Variants in ADGRG6 observed in about 807,000 individuals in gnomAD.
The protein encoded by ADGRG6 is G-protein coupled receptor 126.
ADGRG6 carries 84 observed loss-of-function variants against 142.4 expected under a neutral mutation model. The ratio of observed to expected loss-of-function variants is 0.59; its 90% CI spans 0.49 to 0.71. The LOEUF (loss-of-function observed/expected upper bound fraction) is 0.71. Ranked by LOEUF, ADGRG6 falls within the 30% of genes least tolerant of loss-of-function variation. ADGRG6 has a pLI of 0.00. For synonymous variants in ADGRG6, 521 were observed against 520.5 expected (o/e 1.00, Z -0.01); for missense variants, 1,367 against 1,466.6 (o/e 0.93, Z 1.11).
At chr6:142,399,040 A>G (rs1775361542) in intron 10 of ADGRG6, among the ~76,000 whole-genome samples, 2 of 152,192 alleles carry the variant, frequency 1.3e-5, no homozygotes, top group African/African-American at 4.8e-5. Context: ...AGGAAATCAA[A>G]TGTTCACAAA....
At chr6:142,423,633 G>A (rs1485675501) in intron 22 of ADGRG6, among the ~76,000 whole-genome samples, 1 of 139,436 alleles carries the variant, frequency 7.2e-6, no homozygotes, top group Non-Finnish European at 1.6e-5. Flanking sequence ...TTTTGGCTTA[G>A]GATTGACTTG....
chr6:142,349,753 T>C (rs1002455653), intron 2 of ADGRG6, among the ~76,000 whole-genome samples: 12 of 152,200 alleles, frequency 7.9e-5, no homozygotes, highest in Admixed American at 1.3e-4. Flanking sequence ...TCTTCCCTTT[T>C]CTAGGAATAA....
chr6:142,440,811 C>T, intron 24 of ADGRG6: 2 of 653,398 alleles, frequency 3.1e-6, no homozygotes, highest in Non-Finnish European at 5.4e-6. Flanking sequence ...ATCCTGGGAT[C>T]ACTCAAGGTA....
chr6:142,307,420 G>T (rs1361322974), intron 1 of ADGRG6, among the ~76,000 whole-genome samples: 1 of 151,972 alleles, frequency 6.6e-6, no homozygotes, highest in Non-Finnish European at 1.5e-5. Context: ...ATATGTAATT[G>T]TGCTTTTGTT....
At chr6:142,344,250 A>G (rs1042804702) in intron 2 of ADGRG6, among the ~76,000 whole-genome samples, 29 of 152,012 alleles carry the variant, frequency 1.9e-4, no homozygotes, top group African/African-American at 3.9e-4. Context: ...AAACAAATAC[A>G]TACTTGAGAA....
intron 9 of ADGRG6, among the ~76,000 whole-genome samples, chr6:142,395,082 T>C (rs1284084012): frequency 6.6e-6 from 1 of 152,158 alleles, no homozygotes; most frequent in Non-Finnish European, 1.5e-5. Context: ...GCTTTTTTTT[T>C]CTTTTCAACA....
intron 2 of ADGRG6, among the ~76,000 whole-genome samples, chr6:142,345,369 A>G (rs114996244): frequency 0.011 from 1,743 of 152,214 alleles, 39 homozygotes; most frequent in African/African-American, 0.04. Flanking sequence ...GCTGATCACT[A>G]TAAACATTGT....
chr6:142,383,817 C>A lies in ADGRG6; in HGVS notation c.1196C>A (p.Thr399Asn). 6.4e-7 allele frequency: 1 copy of A among 1,561,542 alleles called. No individual in the cohort carries two copies. The highest frequency in any genetic ancestry group is 8.8e-7 in the Non-Finnish European group (1 of 1,132,838). ...ACTGTCACCACTAACATGCCTGTTACTAACAGAATCGATAAACAAAGGAAT... is the reference window on the plus strand; with the variant it reads ...ACTGTCACCACTAACATGCCTGTTAATAACAGAATCGATAAACAAAGGAAT... ...PPTVTTNMPV[T>N]NRIDKQRNDG... The change falls in exon 6 of 25, where the codon ACT becomes AAT. Residue 399 changes from threonine to asparagine, a missense_variant. Thr to Asn is a moderately conservative substitution (Grantham distance 65). This residue lies in a region of ADGRG6 where 737 missense variants were observed against 746.5 expected (regional missense o/e 0.99). Coordinates refer to ENST00000367609, the MANE Select transcript of ADGRG6 (RefSeq NM_198569.3).
rs148987994 is a variant in ADGRG6 at position 142,323,762 on chromosome 6, G to C, written c.103+14118G>C. Among the ~76,000 whole-genome samples the C allele has an allele frequency of 3.4e-3, 511 of 152,084 alleles. 3 individuals carry two copies. Among genetic ancestry groups the C allele is most frequent in the African/African-American group, 0.012 (479 of 41,498 alleles). On this transcript the variant is annotated intron_variant, in intron 2 of 24. Coordinates refer to ENST00000367609, the MANE Select transcript of ADGRG6 (RefSeq NM_198569.3). ...TTGTAACATAATGGTAAGTATTTGC[G>C]TATCTGAATGTGTCTGGGAAAGGTA...
Position 142,422,685 on chromosome 6 carries a change from T to C in ADGRG6, c.3319+2581T>C, listed in dbSNP as rs1340136907. Among the ~76,000 whole-genome samples, 12 of 148,950 alleles carry C rather than the reference T, an allele frequency of 8.1e-5. No individual in the cohort carries two copies. The South Asian group carries it at 2.4e-3, about 30-fold the overall frequency. ...AGTCCTTTGGGTATATACCCAGTAA[T>C]GGGATGGCTGGGTCAAATGGTATTT... On this transcript the variant is annotated intron_variant, in intron 22 of 24. Transcript: ENST00000367609.
chr6:142,330,551 A>G (rs1309051002), intron 2 of ADGRG6, among the ~76,000 whole-genome samples: 1 of 152,182 alleles, frequency 6.6e-6, no homozygotes, highest in African/African-American at 2.4e-5. Context: ...ATCCATTTTT[A>G]GATTCAGAGA....
chr6:142,302,374 CTG>C, intron 1 of ADGRG6, 43 bp downstream of exon 1: 1 of 1,605,022 alleles, frequency 6.2e-7, no homozygotes, highest in East Asian at 2.2e-5. Flanking sequence ...ACTCTTTTAT[CTG>C]TGTCCACCTT....
chr6:142,383,108 A>G (rs1422943976), intron 5 of ADGRG6, among the ~76,000 whole-genome samples: 1 of 152,006 alleles, frequency 6.6e-6, no homozygotes, highest in Non-Finnish European at 1.5e-5. Flanking sequence ...AGTTATTTTT[A>G]TTTTTAAAAT....
intron 22 of ADGRG6, among the ~76,000 whole-genome samples, chr6:142,435,259 G>A (rs76273058): frequency 0.081 from 12,302 of 151,900 alleles, 630 homozygotes; most frequent in East Asian, 0.25. Context: ...GCTTAGCAGC[G>A]CTTAATAAAT....
intron 2 of ADGRG6, among the ~76,000 whole-genome samples, chr6:142,338,027 T>TTTTTTTTTTTTTTTTTTTTTG (rs892007926): frequency 1.2e-4 from 7 of 58,000 alleles, no homozygotes; most frequent in Non-Finnish European, 2.4e-4. Context: ...GTTTTTTTTT[T>TTTTTTTTTTTTTTTTTTTTTG]TTTTTTTTTT....
At chr6:142,336,108 CCT>C (rs1489658418) in intron 2 of ADGRG6, among the ~76,000 whole-genome samples, 1 of 152,110 alleles carries the variant, frequency 6.6e-6, no homozygotes, top group East Asian at 1.9e-4. Flanking sequence ...GATAGCAGTG[CCT>C]CTCTGTGTGC....
chr6:142,318,210 T>TA (rs1778294754), intron 2 of ADGRG6, among the ~76,000 whole-genome samples: 2 of 37,094 alleles, frequency 5.4e-5, no homozygotes, highest in African/African-American at 2.2e-4. Context: ...TTATATATAT[T>TA]TATATATTAT....
intron 2 of ADGRG6, among the ~76,000 whole-genome samples, chr6:142,353,691 T>G (rs1780297981): frequency 6.6e-6 from 1 of 152,194 alleles, no homozygotes; most frequent in Admixed American, 6.5e-5. Flanking sequence ...GTTTCTTTTT[T>G]ATATTTCTGA....
intron 2 of ADGRG6, among the ~76,000 whole-genome samples, chr6:142,334,936 T>C (rs947110302): frequency 6.6e-6 from 1 of 152,190 alleles, no homozygotes; most frequent in African/African-American, 2.4e-5. Flanking sequence ...AAAGCCATAT[T>C]GTTTAAAACC....
Sources: gnomAD v4.1 joint callset for allele counts (sites outside exome capture counted in the v4.1 genomes callset) on GRCh38, gnomAD v4.1.1 for gene constraint, gnomAD v4.1.1 regional missense constraint, MANE v1.5 for transcripts, NCBI Gene and HGNC (gene_info 2026-07-23, HGNC 2026-07-21) for gene names.